Variants in RUFY3 observed in about 807,000 individuals in gnomAD.
The protein encoded by RUFY3 is protein RUFY3.
Under a neutral mutation model 84.0 loss-of-function variants are expected in RUFY3, and 34 were observed. That is an observed-to-expected ratio of 0.40 (90% CI 0.31 to 0.54). RUFY3 has a LOEUF of 0.54. Among genes scored for constraint, RUFY3 ranks in the 20% least tolerant of loss-of-function variants. The pLI is 0.39. For synonymous variants in RUFY3, 242 were observed against 252.9 expected (o/e 0.96, Z 0.41); for missense variants, 507 against 736.8 (o/e 0.69, Z 3.61).
At chr4:70,803,453 C>CT (rs369264240) in intron 16 of RUFY3, among the ~76,000 whole-genome samples, 3,745 of 145,248 alleles carry the variant, frequency 0.026, 158 homozygotes, top group African/African-American at 0.088. Flanking sequence ...TACTGCTTTC[C>CT]TTTTTTTTTT....
intron 7 of RUFY3, among the ~76,000 whole-genome samples, chr4:70,776,669 G>A (rs561319858): frequency 1.6e-4 from 24 of 152,242 alleles, no homozygotes; most frequent in African/African-American, 1.2e-4. Flanking sequence ...CCAGCTGCTC[G>A]GGAGGCTGAG....
chr4:70,767,301 G>C (rs932489093), intron 4 of RUFY3, among the ~76,000 whole-genome samples: 1 of 137,880 alleles, frequency 7.3e-6, no homozygotes, highest in African/African-American at 2.8e-5. Context: ...GTAGAGACAG[G>C]GTTTCTACAT....
At chr4:70,793,387 A>G in intron 12 of RUFY3, 3 of 1,047,080 alleles carry the variant, frequency 2.9e-6, no homozygotes, top group Non-Finnish European at 3.5e-6. Flanking sequence ...TGTAAAACAG[A>G]AAAATTAAGT....
At position 70,789,451 on chromosome 4, in the gene RUFY3, G is replaced by A. The variant is rs779628262; in HGVS notation, c.1240-44G>A. 3 of 1,538,204 alleles carry A rather than the reference G, an allele frequency of 2.0e-6. No homozygotes were observed. In the East Asian group the frequency reaches 6.8e-5, roughly 35 times the overall value. Reference sequence around the variant, plus strand: ...AAAAGGCATGTGTGGTTGTATTTTAGGATTTATGTTATACAGGTTGTTTAT... The same window carrying A: ...AAAAGGCATGTGTGGTTGTATTTTAAGATTTATGTTATACAGGTTGTTTAT... On this transcript the variant is annotated intron_variant, in intron 11 of 17. Transcript: ENST00000381006.
At chr4:70,792,374 T>G (rs1453789129) in intron 12 of RUFY3, 4 of 958,676 alleles carry the variant, frequency 4.2e-6, no homozygotes, top group Non-Finnish European at 5.0e-6. Flanking sequence ...CTTATATTCT[T>G]TATTATTATT....
intron 17 of RUFY3, among the ~76,000 whole-genome samples, chr4:70,805,282 C>T (rs969098890): frequency 6.6e-6 from 1 of 152,210 alleles, no homozygotes; most frequent in African/African-American, 2.4e-5. Context: ...TCCACCCGAT[C>T]CTCAAGGGTG....
At chr4:70,714,986 T>TG (rs1741401200) in intron 1 of RUFY3, among the ~76,000 whole-genome samples, 1 of 152,216 alleles carries the variant, frequency 6.6e-6, no homozygotes, top group East Asian at 1.9e-4. Context: ...ATAATACTCC[T>TG]GGTAGTGTTT....
At chr4:70,720,916 TG>T (rs1742202465), upstream of RUFY3, among the ~76,000 whole-genome samples, 1 of 151,172 alleles carries the variant, frequency 6.6e-6, no homozygotes, top group Non-Finnish European at 1.5e-5. Context: ...TGTGTGTGTG[TG>T]TGTGTGTGTG....
At chr4:70,720,313 T>A (rs1742121112), upstream of RUFY3, among the ~76,000 whole-genome samples, 1 of 152,184 alleles carries the variant, frequency 6.6e-6, no homozygotes, top group African/African-American at 2.4e-5. Context: ...CCTCCCAAAG[T>A]GCTGGGATTA....
intron 1 of RUFY3, among the ~76,000 whole-genome samples, chr4:70,716,150 G>C (rs1741576761): frequency 6.6e-6 from 1 of 151,858 alleles, no homozygotes; most frequent in Non-Finnish European, 1.5e-5. Context: ...ATGTGTTTTT[G>C]TTATTGTTTT....
chr4:70,731,152 C>T (rs1221565668), intron 1 of RUFY3, among the ~76,000 whole-genome samples: 2 of 151,980 alleles, frequency 1.3e-5, no homozygotes, highest in African/African-American at 4.8e-5. Flanking sequence ...ATTCTCCTGC[C>T]TTAGGCTCCT....
chr4:70,795,323 G>C (rs560070231), intron 14 of RUFY3, among the ~76,000 whole-genome samples: 1 of 152,144 alleles, frequency 6.6e-6, no homozygotes, highest in East Asian at 1.9e-4. Flanking sequence ...TTCAAATCAT[G>C]AGGATTTCAT....
At chr4:70,792,669 C>T in intron 12 of RUFY3, 2 of 985,296 alleles carry the variant, frequency 2.0e-6, no homozygotes, top group African/African-American at 3.5e-5. Flanking sequence ...AACCCCTTCG[C>T]TTCCAGCTCT....
At chr4:70,710,960 G>A (rs1740915998) in intron 1 of RUFY3, among the ~76,000 whole-genome samples, 1 of 149,900 alleles carries the variant, frequency 6.7e-6, no homozygotes. Context: ...AGCTACTGGG[G>A]AAGCTGAGGC....
intron 7 of RUFY3, among the ~76,000 whole-genome samples, chr4:70,775,759 AACAT>A (rs1288496104): frequency 6.6e-6 from 1 of 152,078 alleles, no homozygotes; most frequent in East Asian, 1.9e-4. Flanking sequence ...GAGCTAGGGT[AACAT>A]AGCAAGACCT....
chr4:70,794,716 C>T (rs1731293043), intron 13 of RUFY3, 79 bp from the exon 14 acceptor site: 1 of 897,086 alleles, frequency 1.1e-6, no homozygotes, highest in East Asian at 2.4e-5. Context: ...CACTTTAAGA[C>T]AAGGGGTTGG....
chr4:70,786,397 C>CT (rs990528547), intron 10 of RUFY3, among the ~76,000 whole-genome samples: 8 of 143,046 alleles, frequency 5.6e-5, no homozygotes, highest in Admixed American at 6.9e-5. Context: ...TTTTTTTTTT[C>CT]TTTTTTTTTA....
chr4:70,707,223 G>GATCTC lies in RUFY3; in HGVS notation c.358+1931_358+1935dup, dbSNP rs1491193610. On this transcript the variant is annotated intron_variant, in intron 1 of 11. Coordinates refer to the RUFY3 transcript ENST00000417478. ...CTTAAAGCTAAAGTTTCATGAGCGT[G>GATCTC]ATCTCAGTCTCTACCTTAGGATACT... 5.3e-5 allele frequency among the ~76,000 whole-genome samples: 8 copies of GATCTC among 152,320 alleles called. 1 individual carries two copies. The highest frequency in any genetic ancestry group is 1.9e-4 in the African/African-American group (8 of 41,572).
chr4:70,703,906 T>C (rs551398217), upstream of RUFY3: 2 of 152,366 alleles, frequency 1.3e-5, no homozygotes, highest in East Asian at 1.9e-4. Flanking sequence ...ATGGCTTCTA[T>C]GCCAGCATTA....
Sources: allele counts gnomAD v4.1 joint callset (sites outside exome capture counted in the v4.1 genomes callset), GRCh38; gene constraint gnomAD v4.1.1; transcripts MANE v1.5; gene names NCBI Gene and HGNC (gene_info 2026-07-23, HGNC 2026-07-21).